EPM2A: variants seen among roughly 807,000 people sequenced by gnomAD.
EPM2A encodes the protein laforin.
EPM2A carries 21 observed loss-of-function variants against 26.5 expected under a neutral mutation model. That is an observed-to-expected ratio of 0.79 (90% CI 0.56 to 1.14). The LOEUF is 1.14. EPM2A is among the 50% of genes most tolerant of loss of function. The pLI is 0.00. For synonymous variants in EPM2A, 217 were observed against 177.6 expected, an observed-to-expected ratio of 1.22 and a Z score of -1.76; for missense variants, 458 against 440.8, an observed-to-expected ratio of 1.04 and a Z score of -0.35.
intron 2 of EPM2A, among the ~76,000 whole-genome samples, chr6:145,668,358 G>A (rs559890492): frequency 1.7e-4 from 26 of 152,004 alleles, no homozygotes; most frequent in Non-Finnish European, 3.5e-4. Context: ...GCAAATGACT[G>A]AATAAATAGA....
intron 4 of EPM2A, among the ~76,000 whole-genome samples, chr6:145,436,604 C>T (rs769526679): frequency 7.9e-5 from 12 of 151,742 alleles, no homozygotes; most frequent in Non-Finnish European, 1.5e-4. Context: ...TGATGTTGAG[C>T]TTTTTTTTGT....
At chr6:145,622,640 T>G (rs1376645693), downstream of EPM2A, among the ~76,000 whole-genome samples, 1 of 152,092 alleles carries the variant, frequency 6.6e-6, no homozygotes, top group Non-Finnish European at 1.5e-5. Context: ...GAGAACAAGG[T>G]GATGCTTCTA....
At chr6:145,451,731 G>T (rs1388624883) in intron 4 of EPM2A, among the ~76,000 whole-genome samples, 1 of 152,114 alleles carries the variant, frequency 6.6e-6, no homozygotes, top group Non-Finnish European at 1.5e-5. Flanking sequence ...TAAGTTATTT[G>T]TGTTAACTAG....
At chr6:145,666,444 T>G (rs1301416492) in intron 2 of EPM2A, among the ~76,000 whole-genome samples, 3 of 82,976 alleles carry the variant, frequency 3.6e-5, no homozygotes, top group African/African-American at 1.4e-4. Flanking sequence ...TACCTAGGAA[T>G]CCAACTTACA....
At chr6:145,456,985 G>A (rs547235948) in intron 4 of EPM2A, among the ~76,000 whole-genome samples, 1 of 152,266 alleles carries the variant, frequency 6.6e-6, no homozygotes, top group African/African-American at 2.4e-5. Context: ...AATAGACTAT[G>A]AGAACACAAA....
intron 4 of EPM2A, among the ~76,000 whole-genome samples, chr6:145,404,746 A>G (rs1778544026): frequency 6.6e-6 from 1 of 152,126 alleles, no homozygotes; most frequent in Non-Finnish European, 1.5e-5. Flanking sequence ...TGCCTTCTGG[A>G]AGACATGCAG....
intron 4 of EPM2A, among the ~76,000 whole-genome samples, chr6:145,398,198 T>C (rs992698056): frequency 2.0e-5 from 3 of 152,316 alleles, no homozygotes; most frequent in African/African-American, 7.2e-5. Flanking sequence ...CTCCCTCTTC[T>C]GCAACAGTCA....
chr6:145,486,578 C>G (rs113842916), intron 4 of EPM2A, among the ~76,000 whole-genome samples: 4 of 152,198 alleles, frequency 2.6e-5, no homozygotes, highest in South Asian at 2.1e-4. Context: ...ACTTTGTATC[C>G]TTTGACCTAC....
At chr6:145,390,644 G>C (rs1778325455) in intron 4 of EPM2A, among the ~76,000 whole-genome samples, 1 of 148,480 alleles carries the variant, frequency 6.7e-6, no homozygotes. Flanking sequence ...TTTGTGTTTT[G>C]CTCTCTTATT....
chr6:145,727,341 T>C (rs879372482), intron 1 of EPM2A, among the ~76,000 whole-genome samples: 23 of 152,114 alleles, frequency 1.5e-4, no homozygotes, highest in Non-Finnish European at 3.1e-4. Context: ...AAATACAGTA[T>C]CTGAAAATAA....
downstream of EPM2A, among the ~76,000 whole-genome samples, chr6:145,499,992 G>A (rs78069512): frequency 7.3e-3 from 1,074 of 147,032 alleles, 67 homozygotes; most frequent in East Asian, 0.16. Flanking sequence ...ATGTTTCTTC[G>A]TAACATCAAA....
At chr6:145,400,541 G>C (rs954447252) in intron 4 of EPM2A, among the ~76,000 whole-genome samples, 1 of 152,072 alleles carries the variant, frequency 6.6e-6, no homozygotes, top group African/African-American at 2.4e-5. Flanking sequence ...CTTGATAAGA[G>C]ACCACTGACT....
At chr6:145,633,939 T>G (rs1403510195) in intron 3 of EPM2A, 3 of 152,186 alleles carry the variant, frequency 2.0e-5, no homozygotes, top group African/African-American at 7.2e-5. Context: ...GGCAATAACT[T>G]TTTCATGCCT....
At chr6:145,612,461 A>G (rs192912861) in intron 2 of EPM2A, among the ~76,000 whole-genome samples, 84 of 152,218 alleles carry the variant, frequency 5.5e-4, no homozygotes, top group African/African-American at 1.8e-3. Context: ...TATTTGCTCA[A>G]GAATAACAAT....
At chr6:145,648,799 T>C (rs766285807) in intron 2 of EPM2A, among the ~76,000 whole-genome samples, 1 of 152,190 alleles carries the variant, frequency 6.6e-6, no homozygotes, top group Non-Finnish European at 1.5e-5. Context: ...ATGTGTCATC[T>C]TCCCCTTGTT....
chr6:145,445,809 T>C (rs1468192409), intron 4 of EPM2A, among the ~76,000 whole-genome samples: 1 of 152,190 alleles, frequency 6.6e-6, no homozygotes, highest in African/African-American at 2.4e-5. Context: ...TATAAATTCT[T>C]TGGTGCTCCT....
rs546787131 is a variant in EPM2A, at chr6:145,658,838, C to CT, written c.477-23353dup. 1.2e-3 allele frequency among the ~76,000 whole-genome samples: 183 copies of CT among 152,044 alleles called. 2 individuals are homozygous for CT. The highest frequency in any genetic ancestry group is 4.2e-4 in the South Asian group (2 of 4,812). On this transcript the variant is annotated intron_variant, in intron 2 of 3. Coordinates refer to ENST00000367519, the MANE Select transcript of EPM2A (RefSeq NM_005670.4). ...TCAGTGGATTAGCTGCCTTTCTATA[C>CT]TTTTTTTTCCTATTGTGAAATCTCC...
chr6:145,441,365 C>A (rs1334020128), intron 4 of EPM2A, among the ~76,000 whole-genome samples: 1 of 152,202 alleles, frequency 6.6e-6, no homozygotes, highest in Non-Finnish European at 1.5e-5. Flanking sequence ...GGCCTCAGGT[C>A]TGTGATGGCA....
chr6:145,427,975 T>C (rs2114689377), intron 4 of EPM2A, among the ~76,000 whole-genome samples: 1 of 152,156 alleles, frequency 6.6e-6, no homozygotes, highest in East Asian at 1.9e-4. Flanking sequence ...TGTATCCCAT[T>C]ATCATTATTT....
Sources: allele counts gnomAD v4.1 joint callset (sites outside exome capture counted in the v4.1 genomes callset), GRCh38; gene constraint gnomAD v4.1.1; transcripts MANE v1.5; gene names NCBI Gene and HGNC (gene_info 2026-07-23, HGNC 2026-07-21).